Variants in EVL observed in about 807,000 individuals in gnomAD.
The protein encoded by EVL is ena/VASP-like protein.
EVL carries 21 observed loss-of-function variants against 59.6 expected under a neutral mutation model. The observed-to-expected ratio is 0.35, with a 90% CI of 0.25 to 0.51. The LOEUF is 0.51. Among genes scored for constraint, EVL ranks in the 20% least tolerant of loss-of-function variants. The pLI, the probability that EVL is intolerant of heterozygous loss-of-function variation, is 0.97. For synonymous variants in EVL, 198 were observed against 203.5 expected, an observed-to-expected ratio of 0.97 and a Z score of 0.23; for missense variants, 462 against 546.6, an observed-to-expected ratio of 0.85 and a Z score of 1.54.
chr14:100,041,390 T>C (rs1156666008), intron 1 of EVL, among the ~76,000 whole-genome samples: 1 of 152,182 alleles, frequency 6.6e-6, no homozygotes. Flanking sequence ...TGATACAATG[T>C]ATCAGAAAGA....
At chr14:100,119,481 G>A (rs1887559959) in intron 3 of EVL, among the ~76,000 whole-genome samples, 1 of 152,170 alleles carries the variant, frequency 6.6e-6, no homozygotes, top group Non-Finnish European at 1.5e-5. Context: ...AGGGGGCCGT[G>A]GTGGAACCAG....
Position 100,123,599 on chromosome 14 carries a change from G to C in EVL, c.419G>C (p.Arg140Thr). The C allele has an allele frequency of 6.2e-7, 1 of 1,614,110 alleles. No individual in the cohort carries two copies. Among genetic ancestry groups the C allele is most frequent in the Non-Finnish European group, 8.5e-7 (1 of 1,179,986 alleles). ...TCTCCTGATGAGATGGACATCCAGA[G>C]AAGGTAACCCAGCACCCGCAGGGGC... ...GPSPDEMDIQ[R>T]RQVMEQHQQQ... Residue 140 changes from arginine to threonine, a missense_variant, in exon 4 of 14, where the codon AGA becomes ACA. Transcript: ENST00000392920.
Position 100,141,264 on chromosome 14 carries a change from C to T in EVL, c.1161+18C>T. The T allele has an allele frequency of 6.2e-7, 1 of 1,613,196 alleles. No homozygotes were observed. The highest frequency in any genetic ancestry group is 8.5e-7 in the Non-Finnish European group (1 of 1,179,664). ...TGAAGCAGGTGAGCATGCCCTGTGC[C>T]CTTCCCTCAAGAGGCTGAGGGCAGC... On this transcript the variant is annotated intron_variant, in intron 12 of 13. Coordinates refer to ENST00000392920, the MANE Select transcript of EVL (RefSeq NM_016337.3).
At chr14:100,118,046 A>G (rs1441907975) in intron 3 of EVL, among the ~76,000 whole-genome samples, 2 of 151,996 alleles carry the variant, frequency 1.3e-5, no homozygotes, top group Non-Finnish European at 2.9e-5. Context: ...ATGTCCATGG[A>G]GTTAAAGTCA....
chr14:100,093,652 T>C (rs2062610451), intron 2 of EVL, among the ~76,000 whole-genome samples: 1 of 152,222 alleles, frequency 6.6e-6, no homozygotes. Flanking sequence ...GGATACGTCC[T>C]CTAGAAAGGC....
intron 1 of EVL, chr14:100,019,619 CA>C: frequency 6.6e-7 from 1 of 1,513,436 alleles, no homozygotes; most frequent in Non-Finnish European, 8.8e-7. Context: ...TCCTCCATAC[CA>C]AAAAGACTAC....
intron 3 of EVL, among the ~76,000 whole-genome samples, chr14:100,098,439 T>C (rs1339591813): frequency 1.3e-5 from 2 of 152,044 alleles, no homozygotes; most frequent in Admixed American, 6.6e-5. Flanking sequence ...GGAAAGAGAT[T>C]GGAAATGAAA....
At chr14:100,050,522 T>C in intron 1 of EVL, among the ~76,000 whole-genome samples, 1 of 151,872 alleles carries the variant, frequency 6.6e-6, no homozygotes. Flanking sequence ...GCTAATTTAT[T>C]GTATTTTTAG....
At chr14:100,115,980 C>T (rs1374685773) in intron 3 of EVL, among the ~76,000 whole-genome samples, 1 of 152,232 alleles carries the variant, frequency 6.6e-6, no homozygotes, top group Non-Finnish European at 1.5e-5. Flanking sequence ...GTGGACAGAG[C>T]CCTGGGCCGG....
At chr14:100,137,704 G>A (rs751231075) in intron 10 of EVL, 36 bp from the exon 11 acceptor site, 21 of 1,613,822 alleles carry the variant, frequency 1.3e-5, no homozygotes, top group Middle Eastern at 3.3e-4. Context: ...GGGCGCTGGC[G>A]CCGATTCACA....
rs539057495 is a variant in EVL at position 100,094,090 on chromosome 14, T to C, written c.181-3391T>C. Among the ~76,000 whole-genome samples, 12 of 152,272 alleles carry C rather than the reference T, an allele frequency of 7.9e-5. No homozygotes were observed. The East Asian group carries it at 2.3e-3, about 29-fold the overall frequency. On this transcript the variant is annotated intron_variant, in intron 2 of 13. Coordinates refer to ENST00000392920, the MANE Select transcript of EVL (RefSeq NM_016337.3). ...ATCCACTGGGGGTCTTGGAACCAATTCTGCATGGATAAGCGGGGACTACCA... is the reference window on the plus strand; with the variant it reads ...ATCCACTGGGGGTCTTGGAACCAATCCTGCATGGATAAGCGGGGACTACCA...
intron 1 of EVL, among the ~76,000 whole-genome samples, chr14:100,049,802 C>G (rs1231096848): frequency 2.0e-5 from 3 of 152,134 alleles, no homozygotes; most frequent in African/African-American, 7.2e-5. Flanking sequence ...CCTCAGTCTC[C>G]CCCAGCCTCT....
chr14:100,084,917 C>T, intron 2 of EVL, 62 bp downstream of exon 2: 1 of 1,557,232 alleles, frequency 6.4e-7, no homozygotes, highest in South Asian at 1.1e-5. Context: ...ACCGCCCACC[C>T]CTTACACACA....
At chr14:100,129,931 T>C (rs1049420933) in intron 7 of EVL, among the ~76,000 whole-genome samples, 1 of 152,236 alleles carries the variant, frequency 6.6e-6, no homozygotes, top group South Asian at 2.1e-4. Flanking sequence ...GCATCTACCA[T>C]GTACCAGCCC....
intron 1 of EVL, among the ~76,000 whole-genome samples, chr14:99,983,551 G>A (rs759609295): frequency 2.0e-5 from 3 of 152,200 alleles, no homozygotes; most frequent in Non-Finnish European, 4.4e-5. Flanking sequence ...CTTTTCCCAT[G>A]TATTTGTCCT....
At chr14:100,090,736 G>A (rs2062547070) in intron 2 of EVL, among the ~76,000 whole-genome samples, 1 of 152,124 alleles carries the variant, frequency 6.6e-6, no homozygotes, top group Non-Finnish European at 1.5e-5. Flanking sequence ...AAAAACTGAG[G>A]AAACTAGGAA....
At chr14:100,011,167 G>T (rs2061014867) in intron 1 of EVL, among the ~76,000 whole-genome samples, 1 of 152,168 alleles carries the variant, frequency 6.6e-6, no homozygotes, top group East Asian at 1.9e-4. Context: ...ATATTTTGAA[G>T]ATTTTTAGAA....
intron 1 of EVL, among the ~76,000 whole-genome samples, chr14:100,037,849 A>G (rs2061410335): frequency 6.6e-6 from 1 of 152,220 alleles, no homozygotes; most frequent in Admixed American, 6.5e-5. Flanking sequence ...ATTCAGAGCT[A>G]GACATTAGGG....
chr14:100,016,128 C>G (rs1051453319), intron 1 of EVL, among the ~76,000 whole-genome samples: 2 of 151,458 alleles, frequency 1.3e-5, no homozygotes, highest in Non-Finnish European at 2.9e-5. Context: ...AATTTAACAT[C>G]TGGCTATTCT....
Sources: allele counts gnomAD v4.1 joint callset (sites outside exome capture counted in the v4.1 genomes callset), GRCh38; gene constraint gnomAD v4.1.1; transcripts MANE v1.5; gene names NCBI Gene and HGNC (gene_info 2026-07-23, HGNC 2026-07-21).